The following ISL2 variants were observed in gnomAD, a reference collection of about 807,000 sequenced individuals.
ISL2 encodes the protein insulin gene enhancer protein ISL-2.
A neutral mutation model predicts 34.6 loss-of-function variants in ISL2; 17 were observed. The ratio of observed to expected loss-of-function variants is 0.49; its 90% confidence interval spans 0.34 to 0.74. The LOEUF is 0.74. Among genes scored for constraint, ISL2 ranks in the 30% least tolerant of loss-of-function variants. The pLI, the probability that ISL2 is intolerant of heterozygous loss-of-function variation, is 0.01. For missense variants in ISL2, 469 were observed against 515.2 expected, an observed-to-expected ratio of 0.91 and a Z score of 0.87; for synonymous variants, 232 against 225.5, an observed-to-expected ratio of 1.03 and a Z score of -0.26.
intron 3 of ISL2, 146 bp from the exon 4 acceptor site, chr15:76,340,130 G>A (rs1447708517): frequency 3.5e-6 from 5 of 1,425,660 alleles, no homozygotes; most frequent in Non-Finnish European, 4.6e-6. Flanking sequence ...CGAACAGATG[G>A]AGAGGAAGAC....
In ISL2 at chr15:76,338,465, C is replaced by A. The variant is rs1247431807; in HGVS notation, c.462C>A (p.Ser154Arg). The change falls in exon 3 of 6, where the codon AGC becomes AGA. Residue 154 changes from serine (S) to arginine (R), a missense_variant. This residue lies in a region of ISL2 where 297 missense variants were observed against 337.8 expected (regional missense o/e 0.88). Coordinates refer to ENST00000290759, the MANE Select transcript of ISL2 (RefSeq NM_145805.3). ...GLLLERAAAGSPRSPGPLPGA... is the reference protein window; with the variant it reads ...GLLLERAAAGRPRSPGPLPGA... ...TGCTCGAGCGCGCCGCGGCCGGCAG[C>A]CCGCGCAGCCCCGGCCCGCTTCCCG... 2 of 1,394,108 alleles carry A rather than the reference C, an allele frequency of 1.4e-6. No homozygotes were observed. Among genetic ancestry groups the A allele is most frequent in the Non-Finnish European group, 1.9e-6 (2 of 1,078,800 alleles). 86.4% of individuals were successfully genotyped at this position (1,394,108 alleles called of 1,614,324 possible).
chr15:76,341,881 A>ATGGG lies in ISL2; in HGVS notation c.*48_*49insGGTG. Reference sequence around the variant, plus strand: ...CCCGCGGACCTCGCATGCTCCCTGCATGAGACTCACCCATGCTCAGGCCAT... The same window carrying ATGGG: ...CCCGCGGACCTCGCATGCTCCCTGCATGGGTGAGACTCACCCATGCTCAGGCCAT... On this transcript the variant is annotated 3_prime_UTR_variant, in exon 6 of 6. Coordinates refer to ENST00000290759, the MANE Select transcript of ISL2 (RefSeq NM_145805.3). 1 of 1,227,600 alleles carries ATGGG rather than the reference A, an allele frequency of 8.1e-7. No homozygotes were observed. Among genetic ancestry groups the ATGGG allele is most frequent in the Non-Finnish European group, 1.2e-6 (1 of 830,200 alleles). 76.0% of individuals were successfully genotyped at this position (1,227,600 alleles called of 1,614,324 possible).
At chr15:76,339,727 C>G (rs1321280143) in intron 3 of ISL2, 2 of 986,390 alleles carry the variant, frequency 2.0e-6, no homozygotes, top group Admixed American at 6.1e-5. Context: ...CGTCCATAAC[C>G]GTGGATGAGT....
chr15:76,341,075 A>C, intron 4 of ISL2, 59 bp from the exon 5 acceptor site: 1 of 1,454,998 alleles, frequency 6.9e-7, no homozygotes, highest in Middle Eastern at 1.8e-4. Context: ...CCAGTCTCAA[A>C]GGTGGCAGAA....
Position 76,338,253 on chromosome 15 carries a change from C to T in ISL2, c.250C>T (p.Leu84=). The change falls in exon 3 of 6, where the codon CTG becomes TTG. Residue 84 remains leucine, a splice_region_variant and synonymous_variant. Coordinates refer to ENST00000290759, the MANE Select transcript of ISL2 (RefSeq NM_145805.3). ...KTYCKRDYVR[L]FGIKCAKCQV... ...CACCGCCGCACCTTGGGCCCGCAGG[C>T]TGTTCGGCATCAAGTGCGCCAAGTG... 6.4e-7 allele frequency: 1 copy of T among 1,560,740 alleles called. No individual in the cohort carries two copies. Among genetic ancestry groups the T allele is most frequent in the Non-Finnish European group, 8.6e-7 (1 of 1,159,276 alleles).
chr15:76,341,265 C>G lies in ISL2; in HGVS notation c.927C>G (p.Leu309=), dbSNP rs773498157. ...PPWKALSEFA[L]QSDLDQPAFQ... ...GGAAGGCGCTCAGCGAGTTTGCCCT[C>G]CAGAGCGACCTGGACCAACCCGCCT... The change falls in exon 5 of 6, where the codon CTC becomes CTG. Residue 309 remains leucine, a synonymous_variant. Transcript: ENST00000290759. 1.2e-6 allele frequency: 2 copies of G among 1,609,042 alleles called. No homozygotes were observed. Among genetic ancestry groups the G allele is most frequent in the Non-Finnish European group, 1.7e-6 (2 of 1,178,182 alleles).
intron 2 of ISL2, 27 bp downstream of exon 2, chr15:76,337,994 G>A (rs1455273666): frequency 2.0e-6 from 3 of 1,530,878 alleles, no homozygotes; most frequent in Non-Finnish European, 2.6e-6. Flanking sequence ...CGCGGGCTGG[G>A]CCACCGCGCG....
chr15:76,338,835 G>A lies in ISL2; in HGVS notation c.511+321G>A, dbSNP rs1392924112. ...CAACAGGGAATCTTAAGTGGTGTCC[G>A]TCTTGGGGCTTGTATTAGGAATTTC... On this transcript the variant is annotated intron_variant, in intron 3 of 5. Transcript: ENST00000290759. 3 of 985,276 alleles carry A rather than the reference G, an allele frequency of 3.0e-6. No homozygotes were observed. In the African/African-American group the frequency reaches 5.2e-5, roughly 17 times the overall value. 61.0% of individuals were successfully genotyped at this position (985,276 alleles called of 1,614,324 possible). A position where few individuals can be genotyped will look rare whatever the true frequency, so the allele number is the denominator to read the frequency against.
chr15:76,337,390 T>C, intron 1 of ISL2: 3 of 312,398 alleles, frequency 9.6e-6, no homozygotes, highest in Non-Finnish European at 1.7e-5. Flanking sequence ...AGGCAGCCGC[T>C]GTGAGTGGGA....
chr15:76,340,273 C>T lies in ISL2; in HGVS notation c.512-3C>T, dbSNP rs761927174. ...AACCTCTGGCCTCACCCTGTCCTGG[C>T]AGACGCTGGGTCGGGCCGGCAGCCC... On this transcript the variant is annotated splice_polypyrimidine_tract_variant and splice_region_variant and intron_variant, in intron 3 of 5. Transcript: ENST00000290759. 3 of 1,594,662 alleles carry T rather than the reference C, an allele frequency of 1.9e-6. No homozygotes were observed. In the African/African-American group the frequency reaches 4.0e-5, roughly 21 times the overall value.
chr15:76,338,183 C>T, intron 2 of ISL2, 69 bp from the exon 3 acceptor site: 2 of 1,491,206 alleles, frequency 1.3e-6, no homozygotes, highest in Admixed American at 4.2e-5. Context: ...CGCGCCGGAG[C>T]CGTAGCAGCC....
chr15:76,338,111 G>T (rs536536504), intron 2 of ISL2, 141 bp from the exon 3 acceptor site: 4 of 1,344,224 alleles, frequency 3.0e-6, no homozygotes, highest in Non-Finnish European at 9.7e-7. Flanking sequence ...GCTCCCCCGG[G>T]CCCGGGAATG....
chr15:76,338,060 C>T (rs1596239739), intron 2 of ISL2, 93 bp downstream of exon 2: 1 of 1,323,418 alleles, frequency 7.6e-7, no homozygotes, highest in East Asian at 3.1e-5. Flanking sequence ...CCGGCCCTGC[C>T]CAGGGAGAAG....
In ISL2 at chr15:76,340,302, T is replaced by G. The variant is rs779709262; in HGVS notation, c.538T>G (p.Leu180Val). ...PDAGSGRQPA[L>V]RPHVHKQTEK... ...CGCTGGGTCGGGCCGGCAGCCCGCG[T>G]TGCGCCCGCACGTGCACAAGCAGAC... The change falls in exon 4 of 6, where the codon TTG becomes GTG. Residue 180 changes from leucine to valine, a missense_variant. Physicochemically the swap from Leu to Val is conservative, Grantham distance 32. Coordinates refer to ENST00000290759, the MANE Select transcript of ISL2 (RefSeq NM_145805.3). 6.2e-7 allele frequency: 1 copy of G among 1,608,480 alleles called. No individual in the cohort carries two copies. The highest frequency in any genetic ancestry group is 2.2e-5 in the East Asian group (1 of 44,770).
intron 5 of ISL2, 123 bp from the exon 6 acceptor site, chr15:76,341,596 A>C: frequency 1.3e-6 from 1 of 754,486 alleles, no homozygotes; most frequent in Non-Finnish European, 2.3e-6. Context: ...CCTTCTCCGC[A>C]GGGCTTGCTC....
At chr15:76,339,447 G>A in intron 3 of ISL2, 1 of 985,462 alleles carries the variant, frequency 1.0e-6, no homozygotes, top group Non-Finnish European at 1.2e-6. Context: ...ATGTGAAATG[G>A]GAGCAAGCGG....
At position 76,341,239 on chromosome 15, in the gene ISL2, T is replaced by C; in HGVS notation, c.901T>C (p.Trp301Arg). ...AVEVQTYQPP[W>R]KALSEFALQS... Reference sequence around the variant, plus strand: ...GGAGGTGCAGACGTACCAGCCGCCGTGGAAGGCGCTCAGCGAGTTTGCCCT... The same window carrying C: ...GGAGGTGCAGACGTACCAGCCGCCGCGGAAGGCGCTCAGCGAGTTTGCCCT... Residue 301 changes from tryptophan to arginine, a missense_variant, in exon 5 of 6, where the codon TGG becomes CGG. Transcript: ENST00000290759. The C allele has an allele frequency of 6.2e-7, 1 of 1,611,476 alleles. No homozygotes were observed. The highest frequency in any genetic ancestry group is 2.2e-5 in the East Asian group (1 of 44,776).
Position 76,338,356 on chromosome 15 carries a change from C to A in ISL2, c.353C>A (p.Ser118Tyr). The A allele has an allele frequency of 6.4e-7, 1 of 1,559,610 alleles. No individual in the cohort carries two copies. Among genetic ancestry groups the A allele is most frequent in the Non-Finnish European group, 8.6e-7 (1 of 1,160,628 alleles). The change falls in exon 3 of 6, where the codon TCC (serine) becomes TAC (tyrosine). Residue 118 changes from serine to tyrosine, a missense_variant. Ser to Tyr is a moderately radical substitution (Grantham distance 144). Transcript: ENST00000290759. ...TACCACATCGAGTGCTTCCGCTGCT[C>A]CGTGTGCAGCCGCCAGCTGCTGCCT... is the stretch of plus-strand genomic sequence containing the variant. ...SVYHIECFRC[S>Y]VCSRQLLPGD...
rs2040185348 is a variant in ISL2 at position 76,340,473 on chromosome 15, G to A, written c.709G>A (p.Val237Ile). Residue 237 changes from valine to isoleucine, a missense_variant, in exon 4 of 6, where the codon GTC becomes ATC. Transcript: ENST00000290759. ...MTGLSPRVIR[V>I]WFQNKRCKDK... Reference sequence around the variant, plus strand: ...CGGCCTGAGCCCGCGGGTCATCCGCGTCTGGTTCCAGAACAAGCGCTGCAA... The same window carrying A: ...CGGCCTGAGCCCGCGGGTCATCCGCATCTGGTTCCAGAACAAGCGCTGCAA... 1 of 1,613,728 alleles carries A rather than the reference G, an allele frequency of 6.2e-7. No individual in the cohort carries two copies. The highest frequency in any genetic ancestry group is 1.7e-5 in the Admixed American group (1 of 60,018).
Sources: gnomAD v4.1 joint callset for allele counts on GRCh38, gnomAD v4.1.1 for gene constraint, gnomAD v4.1.1 regional missense constraint, MANE v1.5 for transcripts, NCBI Gene and HGNC (gene_info 2026-07-23, HGNC 2026-07-21) for gene names.